The following GNAQ variants were observed in gnomAD, a reference collection of about 807,000 sequenced individuals.
GNAQ encodes the protein G protein subunit alpha q.
In GNAQ, 8 loss-of-function variants were observed where a neutral mutation model predicts 43.9. The observed-to-expected ratio is 0.18, with a 90% CI of 0.11 to 0.33. GNAQ has a LOEUF of 0.33. Ranked by LOEUF, GNAQ falls within the 10% of genes least tolerant of loss-of-function variation. GNAQ has a pLI of 1.00. For synonymous variants in GNAQ, 155 were observed against 170.7 expected (o/e 0.91, Z 0.71); for missense variants, 158 against 450.8 (o/e 0.35, Z 5.88).
At chr9:77,765,999 G>A (rs1285830923) in intron 5 of GNAQ, among the ~76,000 whole-genome samples, 1 of 152,202 alleles carries the variant, frequency 6.6e-6, no homozygotes, top group Non-Finnish European at 1.5e-5. Context: ...AACAAATACT[G>A]TATGATTCCA....
chr9:77,788,547 C>T (rs1015131203), intron 5 of GNAQ, among the ~76,000 whole-genome samples: 4 of 152,112 alleles, frequency 2.6e-5, no homozygotes, highest in Admixed American at 1.3e-4. Flanking sequence ...CCAGTGGCTT[C>T]TGGGGAAGGA....
intron 1 of GNAQ, among the ~76,000 whole-genome samples, chr9:78,025,968 T>C (rs544933787): frequency 6.6e-6 from 1 of 152,298 alleles, no homozygotes; most frequent in African/African-American, 2.4e-5. Context: ...TTTCAGGTCC[T>C]AAAAAATTCA....
intron 1 of GNAQ, among the ~76,000 whole-genome samples, chr9:78,020,576 C>T (rs1047206892): frequency 6.6e-6 from 1 of 152,152 alleles, no homozygotes; most frequent in Non-Finnish European, 1.5e-5. Context: ...GATGAAAACA[C>T]GTGGTAGGAT....
At chr9:77,721,839 C>T (rs1825318918) in intron 6 of GNAQ, among the ~76,000 whole-genome samples, 2 of 152,114 alleles carry the variant, frequency 1.3e-5, no homozygotes, top group Admixed American at 6.5e-5. Flanking sequence ...GGAGTGATAG[C>T]TTACTTCTGT....
At chr9:77,953,980 C>A (rs1387376223) in intron 1 of GNAQ, among the ~76,000 whole-genome samples, 3 of 152,192 alleles carry the variant, frequency 2.0e-5, no homozygotes, top group African/African-American at 4.8e-5. Flanking sequence ...AATCAAGTCA[C>A]AAATATTTTG....
At chr9:77,805,830 C>T (rs1247327370) in intron 3 of GNAQ, among the ~76,000 whole-genome samples, 1 of 152,172 alleles carries the variant, frequency 6.6e-6, no homozygotes, top group East Asian at 1.9e-4. Context: ...AAAGAGAAGG[C>T]TTCGAAATTA....
At chr9:77,923,739 C>G (rs1829030017) in intron 1 of GNAQ, among the ~76,000 whole-genome samples, 1 of 150,728 alleles carries the variant, frequency 6.6e-6, no homozygotes. Context: ...GTCCTTAATG[C>G]CATTTGCTCA....
At chr9:77,861,784 G>A (rs2378086) in intron 2 of GNAQ, among the ~76,000 whole-genome samples, 7,576 of 152,028 alleles carry the variant, frequency 0.05, 211 homozygotes, top group Non-Finnish European at 0.054. Flanking sequence ...AGGGGGTCAC[G>A]AGGTCAGGAG....
intron 1 of GNAQ, among the ~76,000 whole-genome samples, chr9:77,951,015 T>C (rs965857417): frequency 6.6e-6 from 1 of 151,834 alleles, no homozygotes; most frequent in African/African-American, 2.4e-5. Context: ...CCAAGATGTA[T>C]ATCCTGTATC....
At chr9:77,978,519 T>C (rs1587442254) in intron 1 of GNAQ, among the ~76,000 whole-genome samples, 1 of 152,196 alleles carries the variant, frequency 6.6e-6, no homozygotes, top group Non-Finnish European at 1.5e-5. Context: ...TTGATGATTG[T>C]TTTCTCTCTG....
chr9:77,809,755 T>A (rs1018312914), intron 3 of GNAQ, among the ~76,000 whole-genome samples: 13 of 152,330 alleles, frequency 8.5e-5, no homozygotes, highest in African/African-American at 3.1e-4. Context: ...GATTACTTAC[T>A]ATGATAGGCA....
At chr9:77,951,019 C>T (rs999140729) in intron 1 of GNAQ, among the ~76,000 whole-genome samples, 1 of 151,304 alleles carries the variant, frequency 6.6e-6, no homozygotes, top group Non-Finnish European at 1.5e-5. Flanking sequence ...GATGTATATC[C>T]TGTATCTTCA....
At chr9:77,949,656 G>GA (rs1328233959) in intron 1 of GNAQ, among the ~76,000 whole-genome samples, 1 of 152,168 alleles carries the variant, frequency 6.6e-6, no homozygotes, top group Non-Finnish European at 1.5e-5. Flanking sequence ...GGAAGGGAAA[G>GA]ACCTATTGCT....
At chr9:77,979,466 A>C (rs1487555835) in intron 1 of GNAQ, among the ~76,000 whole-genome samples, 1 of 152,040 alleles carries the variant, frequency 6.6e-6, no homozygotes, top group Non-Finnish European at 1.5e-5. Flanking sequence ...CTTTTTTTCA[A>C]TCAAAACTAC....
chr9:77,916,684 G>C (rs1828911987), intron 2 of GNAQ, among the ~76,000 whole-genome samples: 1 of 152,034 alleles, frequency 6.6e-6, no homozygotes, highest in African/African-American at 2.4e-5. Flanking sequence ...TGGCTAGTTT[G>C]TCAGAGACAG....
At chr9:77,724,354 G>C (rs770436699) in intron 6 of GNAQ, among the ~76,000 whole-genome samples, 3 of 152,058 alleles carry the variant, frequency 2.0e-5, no homozygotes, top group Admixed American at 2.0e-4. Flanking sequence ...ACCATGCCCA[G>C]CTAATTTTTG....
chr9:77,786,933 A>T (rs1361294892), intron 5 of GNAQ, among the ~76,000 whole-genome samples: 3 of 152,206 alleles, frequency 2.0e-5, no homozygotes, highest in Non-Finnish European at 2.9e-5. Flanking sequence ...ACACATCCAG[A>T]AAGTCCATAA....
intron 1 of GNAQ, among the ~76,000 whole-genome samples, chr9:77,952,556 C>G (rs988950299): frequency 1.3e-5 from 2 of 152,146 alleles, no homozygotes; most frequent in East Asian, 3.9e-4. Flanking sequence ...AAATGATTGC[C>G]TTAGAACAGT....
intron 1 of GNAQ, among the ~76,000 whole-genome samples, chr9:77,964,041 C>T (rs1165548610): frequency 2.0e-5 from 3 of 152,072 alleles, no homozygotes; most frequent in Non-Finnish European, 2.9e-5. Flanking sequence ...GTGTCTCGAA[C>T]GTGATGGGGC....
Sources: gnomAD v4.1 joint callset for allele counts (sites outside exome capture counted in the v4.1 genomes callset) on GRCh38, gnomAD v4.1.1 for gene constraint, MANE v1.5 for transcripts, NCBI Gene and HGNC (gene_info 2026-07-23, HGNC 2026-07-21) for gene names.